The following CCDC141 variants were observed in gnomAD, a reference collection of about 807,000 sequenced individuals.
The protein encoded by CCDC141 is coiled-coil domain containing 141, also known as coiled-coil domain-containing protein 141.
CCDC141 carries 168 observed loss-of-function variants against 181.0 expected under a neutral mutation model. The observed-to-expected ratio is 0.93, with a 90% CI of 0.82 to 1.05. CCDC141 has a LOEUF of 1.05. Among genes scored for constraint, CCDC141 ranks in the 50% least tolerant of loss-of-function variants. The probability of loss-of-function intolerance (pLI) is 0.00; values close to 1 mark genes in which losing one functional copy is unlikely to be tolerated. For synonymous variants in CCDC141, 666 were observed against 642.3 expected (o/e 1.04, Z -0.56); for missense variants, 1,902 against 1,788.5 (o/e 1.06, Z -1.14).
chr2:179,036,340 T>C (rs1172022975), intron 2 of CCDC141, among the ~76,000 whole-genome samples: 1 of 152,236 alleles, frequency 6.6e-6, no homozygotes, highest in Non-Finnish European at 1.5e-5. Flanking sequence ...GAATATTATG[T>C]GCCCTAACTC....
rs1437464346 is a variant in CCDC141 at position 178,886,772 on chromosome 2, CCAGATATTTATT to C, written c.1495_1506del (p.Asn499_Leu502del). ...TTTACCTTAGCTTGGATATCTAGTT[CCAGATATTTATT>C]CAAAATCTTCTCTGATTCAGAACGG... On this transcript the variant is annotated inframe_deletion, in exon 10 of 24. Coordinates refer to ENST00000443758, the MANE Select transcript of CCDC141 (RefSeq NM_173648.4). 5.5e-6 allele frequency: 8 copies of C among 1,453,624 alleles called. No homozygotes were observed. The highest frequency in any genetic ancestry group is 7.4e-6 in the Non-Finnish European group (8 of 1,085,560). 90.0% of individuals were successfully genotyped at this position (1,453,624 alleles called of 1,614,324 possible).
chr2:178,863,774 T>C lies in CCDC141; in HGVS notation c.2724+1993A>G, dbSNP rs118113942. 7.9e-5 allele frequency among the ~76,000 whole-genome samples: 12 copies of C among 152,344 alleles called. No individual in the cohort carries two copies. In the East Asian group the frequency reaches 1.9e-3, roughly 24 times the overall value. ...GTGAAATTGTAAGTTACATGAAAGATTAACTGGATCAGTAGTGGAAGCAAA... is the reference window on the plus strand; with the variant it reads ...GTGAAATTGTAAGTTACATGAAAGACTAACTGGATCAGTAGTGGAAGCAAA... On this transcript the variant is annotated intron_variant, in intron 17 of 23. Coordinates refer to ENST00000443758, the MANE Select transcript of CCDC141 (RefSeq NM_173648.4).
chr2:178,978,270 C>G (rs1199001058), intron 3 of CCDC141, among the ~76,000 whole-genome samples: 1 of 151,922 alleles, frequency 6.6e-6, no homozygotes, highest in Admixed American at 6.6e-5. Flanking sequence ...AGTTATTTAA[C>G]TGTACTTTGT....
chr2:178,948,259 G>A (rs754022072), intron 5 of CCDC141, among the ~76,000 whole-genome samples: 39 of 151,218 alleles, frequency 2.6e-4, no homozygotes, highest in Non-Finnish European at 4.1e-4. Flanking sequence ...TAGATATGTC[G>A]GGTTAATTTA....
chr2:178,837,214 G>A lies in CCDC141; in HGVS notation c.4005C>T (p.His1335=). 6.2e-7 allele frequency: 1 copy of A among 1,613,996 alleles called. No homozygotes were observed. Among genetic ancestry groups the A allele is most frequent in the Non-Finnish European group, 8.5e-7 (1 of 1,179,972 alleles). ...CTAGCAAACCACCCTGAGCCTGAGGGTGCTGCTGTAAAGCTCTCTCATGCA... is the reference window on the plus strand; with the variant it reads ...CTAGCAAACCACCCTGAGCCTGAGGATGCTGCTGTAAAGCTCTCTCATGCA... ...SEVHERALQQ[H]PQAQGGLLET... Residue 1335 remains histidine, a synonymous_variant, in exon 23 of 24, where the codon CAC becomes CAT. Coordinates refer to ENST00000443758, the MANE Select transcript of CCDC141 (RefSeq NM_173648.4).
At chr2:178,858,047 C>G (rs1685459771) in intron 17 of CCDC141, among the ~76,000 whole-genome samples, 1 of 152,062 alleles carries the variant, frequency 6.6e-6, no homozygotes, top group South Asian at 2.1e-4. Flanking sequence ...TACACATATA[C>G]TTAATCAGTG....
intron 6 of CCDC141, among the ~76,000 whole-genome samples, chr2:178,931,055 G>A (rs1326692197): frequency 6.6e-6 from 1 of 152,148 alleles, no homozygotes; most frequent in African/African-American, 2.4e-5. Context: ...TGGTCAGCCA[G>A]TAAATGAAAA....
intron 5 of CCDC141, among the ~76,000 whole-genome samples, chr2:178,956,719 G>A (rs1288409974): frequency 2.6e-5 from 4 of 152,078 alleles, no homozygotes; most frequent in East Asian, 1.9e-4. Flanking sequence ...TGTTAGGAAC[G>A]GAATCTAAAT....
intron 9 of CCDC141, among the ~76,000 whole-genome samples, 187 bp downstream of exon 9, chr2:178,888,340 G>C (rs1686983801): frequency 6.6e-6 from 1 of 152,132 alleles, no homozygotes; most frequent in African/African-American, 2.4e-5. Flanking sequence ...CAGGCCACCT[G>C]GGTCAGGGAT....
At chr2:178,825,091 CAATT>C (rs1684100946), downstream of CCDC141, among the ~76,000 whole-genome samples, 1 of 151,956 alleles carries the variant, frequency 6.6e-6, no homozygotes, top group Non-Finnish European at 1.5e-5. Flanking sequence ...CAATACAAAA[CAATT>C]AGTTGCATTG....
At chr2:179,033,879 A>G (rs1473675180) in intron 2 of CCDC141, among the ~76,000 whole-genome samples, 5 of 152,184 alleles carry the variant, frequency 3.3e-5, no homozygotes, top group Non-Finnish European at 5.9e-5. Flanking sequence ...AGCCCAACCA[A>G]CACTGGCTTA....
At chr2:178,822,372 G>A in the CCDC141 span, among the ~76,000 whole-genome samples, 1 of 149,880 alleles carries the variant, frequency 6.7e-6, no homozygotes, top group Non-Finnish European at 1.5e-5. Context: ...AAACCTGCAT[G>A]TTGTGAACAT....
At chr2:178,879,384 T>C (rs1686492838) in intron 11 of CCDC141, among the ~76,000 whole-genome samples, 2 of 152,182 alleles carry the variant, frequency 1.3e-5, no homozygotes, top group Admixed American at 6.5e-5. Flanking sequence ...CTGAACTTCA[T>C]AGGAGAGCCT....
chr2:178,822,686 A>G, the CCDC141 span, among the ~76,000 whole-genome samples: 1 of 152,196 alleles, frequency 6.6e-6, no homozygotes, highest in African/African-American at 2.4e-5. Context: ...ATTAAAAAGG[A>G]TTCAGATGGC....
intron 7 of CCDC141, among the ~76,000 whole-genome samples, chr2:178,914,790 C>T (rs1335215745): frequency 6.6e-6 from 1 of 151,990 alleles, no homozygotes. Flanking sequence ...GGTAATTATT[C>T]TCATGAATTC....
intron 21 of CCDC141, among the ~76,000 whole-genome samples, chr2:178,849,159 G>C (rs959007125): frequency 2.0e-5 from 3 of 152,136 alleles, no homozygotes; most frequent in Non-Finnish European, 2.9e-5. Flanking sequence ...GAAAAAAGAG[G>C]CTGCTAGAAA....
At chr2:179,011,766 T>A (rs961970163) in intron 2 of CCDC141, among the ~76,000 whole-genome samples, 2 of 152,108 alleles carry the variant, frequency 1.3e-5, no homozygotes, top group African/African-American at 4.8e-5. Context: ...GGAAATTATA[T>A]CAAGCACTCT....
chr2:179,015,065 GAGATATATATATATATAT>G lies in CCDC141; in HGVS notation c.225+32201_225+32218del, dbSNP rs1299269363. Among the ~76,000 whole-genome samples the G allele has an allele frequency of 4.6e-4, 5 of 10,976 alleles. 1 individual carries two copies. Among genetic ancestry groups the G allele is most frequent in the Non-Finnish European group, 1.0e-3 (5 of 4,766 alleles). 7.2% of individuals were successfully genotyped at this position (10,976 alleles called of 152,430 possible). A position where few individuals can be genotyped will look rare whatever the true frequency, so the allele number is the denominator to read the frequency against. On this transcript the variant is annotated intron_variant, in intron 2 of 23. Coordinates refer to ENST00000443758, the MANE Select transcript of CCDC141 (RefSeq NM_173648.4). ...GAGTGGATAAACTGTGAGAGAGACA[GAGATATATATATATATAT>G]ATATATATATATATATATATAATAT... is the stretch of plus-strand genomic sequence containing the variant.
chr2:179,023,600 A>T (rs2042748501), intron 2 of CCDC141, among the ~76,000 whole-genome samples: 1 of 152,264 alleles, frequency 6.6e-6, no homozygotes, highest in African/African-American at 2.4e-5. Flanking sequence ...ATATATCACA[A>T]CTTGGGCTCT....
Sources: gnomAD v4.1 joint callset for allele counts (sites outside exome capture counted in the v4.1 genomes callset) on GRCh38, gnomAD v4.1.1 for gene constraint, MANE v1.5 for transcripts, NCBI Gene and HGNC (gene_info 2026-07-23, HGNC 2026-07-21) for gene names.